The following PKHD1L1 variants were observed in gnomAD, a reference collection of about 807,000 sequenced individuals.
PKHD1L1 encodes the protein fibrocystin-L.
A neutral mutation model predicts 462.9 loss-of-function variants in PKHD1L1; 434 were observed. The observed-to-expected ratio is 0.94, with a 90% CI of 0.87 to 1.02. The LOEUF is 1.02. Ranked by LOEUF, PKHD1L1 falls within the 50% of genes least tolerant of loss-of-function variation. PKHD1L1 has a pLI of 0.00. For synonymous variants in PKHD1L1, 1,781 were observed against 1,750.0 expected, an observed-to-expected ratio of 1.02 and a Z score of -0.44; for missense variants, 5,202 against 5,096.1, an observed-to-expected ratio of 1.02 and a Z score of -0.63.
chr8:109,475,407 T>C (rs1259853128), intron 51 of PKHD1L1, 138 bp downstream of exon 51: 3 of 751,424 alleles, frequency 4.0e-6, no homozygotes, highest in Non-Finnish European at 4.0e-6. Flanking sequence ...GCACATTCTT[T>C]GTGAGCCACT....
chr8:109,419,087 C>T lies in PKHD1L1; in HGVS notation c.2361-10C>T, dbSNP rs777643383. The stretch of plus-strand genomic sequence containing the variant: ...TGATCTATACAACAAATTAATCAAC[C>T]GTATTTCAGCTGGACTTACACTTGC... On this transcript the variant is annotated splice_polypyrimidine_tract_variant and intron_variant, in intron 21 of 77. Coordinates refer to ENST00000378402, the MANE Select transcript of PKHD1L1 (RefSeq NM_177531.6). 12 of 1,606,884 alleles carry T rather than the reference C, an allele frequency of 7.5e-6. No individual in the cohort carries two copies. The highest frequency in any genetic ancestry group is 1.7e-4 in the Middle Eastern group (1 of 6,032).
Position 109,482,968 on chromosome 8 carries a change from G to A in PKHD1L1, c.9458-19G>A, listed in dbSNP as rs1818344086. On this transcript the variant is annotated intron_variant, in intron 56 of 77. Coordinates refer to ENST00000378402, the MANE Select transcript of PKHD1L1 (RefSeq NM_177531.6). Reference sequence around the variant, plus strand: ...AGTACTGTGGGGTGAATAAGTAGGAGTGTGCTTTTCTTCTTTAGGGGTGTT... The same window carrying A: ...AGTACTGTGGGGTGAATAAGTAGGAATGTGCTTTTCTTCTTTAGGGGTGTT... 3 of 1,510,760 alleles carry A rather than the reference G, an allele frequency of 2.0e-6. No individual in the cohort carries two copies. The highest frequency in any genetic ancestry group is 2.7e-6 in the Non-Finnish European group (3 of 1,105,590). 93.6% of individuals were successfully genotyped at this position (1,510,760 alleles called of 1,614,324 possible). A position where few individuals can be genotyped will look rare whatever the true frequency, so the allele number is the denominator to read the frequency against.
intron 39 of PKHD1L1, among the ~76,000 whole-genome samples, chr8:109,448,642 G>T (rs1816305911): frequency 6.6e-6 from 1 of 151,572 alleles, no homozygotes; most frequent in Non-Finnish European, 1.5e-5. Context: ...CTCCCGAGTA[G>T]CTGGGACTAC....
At chr8:109,471,067 T>A (rs16918465) in intron 50 of PKHD1L1, 27,354 of 1,569,158 alleles carry the variant, frequency 0.017, 627 homozygotes, top group African/African-American at 0.1. Context: ...TGAAATCTTC[T>A]CCTCAAATTC....
chr8:109,530,278 C>G lies in PKHD1L1; in HGVS notation c.*188C>G, dbSNP rs187242796. On this transcript the variant is annotated 3_prime_UTR_variant, in exon 78 of 78. Coordinates refer to ENST00000378402, the MANE Select transcript of PKHD1L1 (RefSeq NM_177531.6). ...TTCAAAATATAAATTTGTTTTGATTCTTTATATTTATATGTTTTTATTTCA... is the reference window on the plus strand; with the variant it reads ...TTCAAAATATAAATTTGTTTTGATTGTTTATATTTATATGTTTTTATTTCA... The G allele has an allele frequency of 3.6e-3, 1,140 of 318,628 alleles. 16 individuals are homozygous for G. Among genetic ancestry groups the G allele is most frequent in the African/African-American group, 0.023 (1,057 of 45,610 alleles). The allele number at this position is 318,628 out of a possible 1,614,324, so 19.7% of individuals were successfully genotyped here.
intron 2 of PKHD1L1, among the ~76,000 whole-genome samples, chr8:109,366,966 A>G (rs986717449): frequency 3.3e-5 from 5 of 152,176 alleles, no homozygotes; most frequent in African/African-American, 1.2e-4. Flanking sequence ...TGCTGGGATT[A>G]CAGGCATGAG....
At position 109,531,256 on chromosome 8, in the gene PKHD1L1, A is replaced by G. The variant is rs1025542524; in HGVS notation, c.*1166A>G. Among the ~76,000 whole-genome samples the G allele has an allele frequency of 2.0e-5, 3 of 152,196 alleles. No individual in the cohort carries two copies. The highest frequency in any genetic ancestry group is 2.9e-5 in the Non-Finnish European group (2 of 68,040). On this transcript the variant is annotated 3_prime_UTR_variant, in exon 78 of 78. Coordinates refer to ENST00000378402, the MANE Select transcript of PKHD1L1 (RefSeq NM_177531.6). Reference sequence around the variant, plus strand: ...GTATAAACACTTACCAGGTAGTAAAATCAAATATCTTGGTATAAATGTGGC... The same window carrying G: ...GTATAAACACTTACCAGGTAGTAAAGTCAAATATCTTGGTATAAATGTGGC...
intron 68 of PKHD1L1, among the ~76,000 whole-genome samples, chr8:109,507,072 C>A (rs867075669): frequency 2.6e-5 from 4 of 151,972 alleles, no homozygotes; most frequent in African/African-American, 7.2e-5. Context: ...AAACACAATC[C>A]AAGTTTATCT....
At chr8:109,481,404 AG>A in intron 55 of PKHD1L1, 28 bp from the exon 56 acceptor site, 1 of 1,539,100 alleles carries the variant, frequency 6.5e-7, no homozygotes, top group South Asian at 1.3e-5. Context: ...TCAATTTTTA[AG>A]TATTAACAAT....
rs749476305 is a variant in PKHD1L1, at chr8:109,533,094, C to A, written c.*3004C>A. 4.6e-5 allele frequency among the ~76,000 whole-genome samples: 7 copies of A among 152,220 alleles called. No individual in the cohort carries two copies. The highest frequency in any genetic ancestry group is 1.0e-4 in the Non-Finnish European group (7 of 68,036). ...AAACACAGACAATTTAACTCCAGAGCCCAAATTCCAACATTTAATTGCTTC... is the reference window on the plus strand; with the variant it reads ...AAACACAGACAATTTAACTCCAGAGACCAAATTCCAACATTTAATTGCTTC... On this transcript the variant is annotated 3_prime_UTR_variant, in exon 78 of 78. Coordinates refer to ENST00000378402, the MANE Select transcript of PKHD1L1 (RefSeq NM_177531.6).
Position 109,464,922 on chromosome 8 carries a change from G to T in PKHD1L1, c.8090G>T (p.Gly2697Val), listed in dbSNP as rs755675853. ...RILAPYVGGW[G>V]ETNGAVIKNA... is the part of the protein sequence containing the mutation. The stretch of plus-strand genomic sequence containing the variant: ...CTGGCTCCTTATGTTGGAGGGTGGG[G>T]TGAAACCAATGGAGCGGTGATTAAA... The change falls in exon 49 of 78, where the codon GGT becomes GTT. Residue 2697 changes from glycine to valine, a missense_variant. Coordinates refer to ENST00000378402, the MANE Select transcript of PKHD1L1 (RefSeq NM_177531.6). 1 of 1,613,820 alleles carries T rather than the reference G, an allele frequency of 6.2e-7. No individual in the cohort carries two copies. Among genetic ancestry groups the T allele is most frequent in the Non-Finnish European group, 8.5e-7 (1 of 1,179,818 alleles).
rs763005504 is a variant in PKHD1L1 at position 109,497,052 on chromosome 8, T to C, written c.10461T>C (p.Tyr3487=). 3 of 1,613,318 alleles carry C rather than the reference T, an allele frequency of 1.9e-6. No individual in the cohort carries two copies. Among genetic ancestry groups the C allele is most frequent in the East Asian group, 2.2e-5 (1 of 44,856 alleles). The change falls in exon 64 of 78, where the codon TAT becomes TAC. Residue 3487 remains tyrosine (Y), a synonymous_variant. Transcript: ENST00000378402. ...QGFTIWTCWD[Y]GIYFQTTESV... is the part of the protein sequence containing the mutation. The stretch of plus-strand genomic sequence containing the variant: ...TTACCATTTGGACATGCTGGGATTA[T>C]GGAATTTATTTTCAGGTAATTATGA...
At chr8:109,418,323 A>C (rs2130634990) in intron 21 of PKHD1L1, among the ~76,000 whole-genome samples, 1 of 152,292 alleles carries the variant, frequency 6.6e-6, no homozygotes, top group South Asian at 2.1e-4. Context: ...ATCTTTGATG[A>C]GCTAGAGGTG....
intron 19 of PKHD1L1, among the ~76,000 whole-genome samples, chr8:109,411,008 T>C (rs1188051964): frequency 6.6e-6 from 1 of 151,994 alleles, no homozygotes; most frequent in Non-Finnish European, 1.5e-5. Context: ...ATTACAGACT[T>C]GAGCCACCGC....
At chr8:109,494,170 T>C (rs1818973750) in intron 63 of PKHD1L1, among the ~76,000 whole-genome samples, 1 of 151,954 alleles carries the variant, frequency 6.6e-6, no homozygotes, top group Admixed American at 6.6e-5. Context: ...TCAACAAACA[T>C]GAACAGACAC....
At chr8:109,492,303 T>C (rs1453991547) in intron 62 of PKHD1L1, among the ~76,000 whole-genome samples, 3 of 151,804 alleles carry the variant, frequency 2.0e-5, no homozygotes, top group African/African-American at 7.2e-5. Flanking sequence ...AAATAGACAA[T>C]GGAATCTCTA....
chr8:109,486,853 G>A (rs775639637), intron 59 of PKHD1L1, 32 bp downstream of exon 59: 2 of 1,583,580 alleles, frequency 1.3e-6, no homozygotes, highest in Non-Finnish European at 1.7e-6. Flanking sequence ...TTTTCTAAAT[G>A]AGCTATAACA....
At chr8:109,370,388 G>A (rs200976191) in intron 2 of PKHD1L1, among the ~76,000 whole-genome samples, 1 of 151,958 alleles carries the variant, frequency 6.6e-6, no homozygotes, top group Non-Finnish European at 1.5e-5. Context: ...TGCTGGGATT[G>A]CAGGCGTGAG....
At chr8:109,413,930 A>T (rs188688255) in intron 21 of PKHD1L1, among the ~76,000 whole-genome samples, 27 of 152,268 alleles carry the variant, frequency 1.8e-4, no homozygotes, top group Middle Eastern at 6.8e-3. Context: ...ATCACTGAAA[A>T]AAAAGGAAGT....
Sources: gnomAD v4.1 joint callset for allele counts (sites outside exome capture counted in the v4.1 genomes callset) on GRCh38, gnomAD v4.1.1 for gene constraint, MANE v1.5 for transcripts, NCBI Gene and HGNC (gene_info 2026-07-23, HGNC 2026-07-21) for gene names.